Variants in CYTH1 observed in about 807,000 individuals in gnomAD.
CYTH1 encodes cytohesin 1.
A neutral mutation model predicts 61.8 loss-of-function variants in CYTH1; 18 were observed. The ratio of observed to expected loss-of-function variants is 0.29; its 90% CI spans 0.20 to 0.43. CYTH1 has a LOEUF of 0.43. Among genes scored for constraint, CYTH1 ranks in the 20% least tolerant of loss-of-function variants. The pLI, the probability that CYTH1 is intolerant of heterozygous loss-of-function variation, is 1.00. For missense variants in CYTH1, 336 were observed against 510.5 expected (o/e 0.66, Z 3.29); for synonymous variants, 174 against 184.3 (o/e 0.94, Z 0.45).
chr17:78,688,403 T>C lies in CYTH1; in HGVS notation c.891+4014A>G, dbSNP rs146754056. Among the ~76,000 whole-genome samples the C allele has an allele frequency of 3.8e-3, 586 of 152,360 alleles. 3 individuals carry two copies. The highest frequency in any genetic ancestry group is 0.013 in the African/African-American group (550 of 41,588). ...ACATCGGTAGACTCGTCAACCTGGA[T>C]TGAGTACCAGAGTGACTCGTTAATC... On this transcript the variant is annotated intron_variant, in intron 11 of 13. Transcript: ENST00000446868.
At chr17:78,780,724 G>C (rs1051237728) in intron 1 of CYTH1, among the ~76,000 whole-genome samples, 2 of 151,538 alleles carry the variant, frequency 1.3e-5, no homozygotes, top group African/African-American at 4.8e-5. Context: ...TAAAAAATTA[G>C]GGCTGGGCGC....
intron 1 of CYTH1, among the ~76,000 whole-genome samples, chr17:78,714,853 A>G (rs1397470076): frequency 1.3e-5 from 2 of 152,074 alleles, no homozygotes; most frequent in Admixed American, 1.3e-4. Context: ...AACAGAGATA[A>G]TTAGGGGGAA....
intron 3 of CYTH1, among the ~76,000 whole-genome samples, chr17:78,705,667 C>G (rs1383358916): frequency 6.6e-6 from 1 of 152,124 alleles, no homozygotes; most frequent in Non-Finnish European, 1.5e-5. Context: ...AGCCTGAGTA[C>G]CCGTATGGAT....
chr17:78,700,520 A>AT lies in CYTH1; in HGVS notation c.438-78dup, dbSNP rs530738099. The AT allele has an allele frequency of 3.9e-3, 4,053 of 1,037,738 alleles. No homozygotes were observed. The highest frequency in any genetic ancestry group is 4.3e-3 in the Non-Finnish European group (3,199 of 739,142). 64.3% of individuals were successfully genotyped at this position (1,037,738 alleles called of 1,614,324 possible). ...TCTATGAATTGTTAAACTGCCAATG[A>AT]TTTTTTTTTTCTTTTTTTTTTTGAG... On this transcript the variant is annotated intron_variant, in intron 6 of 13. Coordinates refer to ENST00000446868, the MANE Select transcript of CYTH1 (RefSeq NM_004762.6). The surrounding 1 kb of genome is among the most constrained non-coding windows in gnomAD (Gnocchi z 5.1).
At chr17:78,760,382 T>TAC (rs1273827734) in intron 1 of CYTH1, among the ~76,000 whole-genome samples, 887 of 51,654 alleles carry the variant, frequency 0.017, 71 homozygotes, top group Non-Finnish European at 0.024. Context: ...TATATATATA[T>TAC]ATACACACAC....
chr17:78,752,130 C>T (rs2144676385), intron 1 of CYTH1, among the ~76,000 whole-genome samples: 1 of 152,270 alleles, frequency 6.6e-6, no homozygotes, highest in South Asian at 2.1e-4. Flanking sequence ...CAACATATTT[C>T]CTAGATGTTT....
chr17:78,734,730 G>A (rs142863372), intron 1 of CYTH1, among the ~76,000 whole-genome samples: 3 of 152,214 alleles, frequency 2.0e-5, no homozygotes, highest in African/African-American at 4.8e-5. Flanking sequence ...GTGAGCCATC[G>A]CGCCCAGCCA....
chr17:78,719,479 T>C (rs16966859), intron 1 of CYTH1, among the ~76,000 whole-genome samples: 8,193 of 152,226 alleles, frequency 0.054, 406 homozygotes, highest in South Asian at 0.15. Flanking sequence ...AGATCATTAC[T>C]GCAAGTGGAG....
rs2093018317 is a variant in CYTH1 at position 78,702,225 on chromosome 17, T to C, written c.253A>G (p.Ile85Val). 1.2e-6 allele frequency: 2 copies of C among 1,613,814 alleles called. No homozygotes were observed. The highest frequency in any genetic ancestry group is 1.6e-4 in the Middle Eastern group (1 of 6,084). ...MDPKKGIQFL[I>V]ENDLLKNTCE... ...GTGTTCTTCAGGAGGTCGTTCTCTA[T>C]TAAGAACTGGATCCCCTAGAAAAAG... Residue 85 changes from isoleucine (I) to valine (V), a missense_variant, in exon 5 of 14, where the codon ATA becomes GTA. Transcript: ENST00000446868.
chr17:78,746,887 T>C (rs1195048777), intron 1 of CYTH1, among the ~76,000 whole-genome samples: 4 of 152,024 alleles, frequency 2.6e-5, no homozygotes, highest in African/African-American at 7.2e-5. Flanking sequence ...AAGGCTGCAG[T>C]GAGCTGTCAT....
intron 1 of CYTH1, among the ~76,000 whole-genome samples, chr17:78,766,955 T>A (rs1203005340): frequency 6.6e-6 from 1 of 152,156 alleles, no homozygotes; most frequent in Non-Finnish European, 1.5e-5. Flanking sequence ...TCTCTCTACT[T>A]CTCCATTTCC....
At chr17:78,765,790 G>A (rs2093446177) in intron 1 of CYTH1, among the ~76,000 whole-genome samples, 1 of 152,156 alleles carries the variant, frequency 6.6e-6, no homozygotes, top group Admixed American at 6.5e-5. Flanking sequence ...GCTGAGCTGA[G>A]AGCAGGCAAA....
At chr17:78,689,250 GAT>G (rs1343833969) in intron 11 of CYTH1, among the ~76,000 whole-genome samples, 2 of 152,156 alleles carry the variant, frequency 1.3e-5, no homozygotes, top group African/African-American at 2.4e-5. Flanking sequence ...GCCACTCACT[GAT>G]AGAGTTCTGA....
chr17:78,765,233 G>A (rs1432334520), intron 1 of CYTH1, among the ~76,000 whole-genome samples: 2 of 152,114 alleles, frequency 1.3e-5, no homozygotes, highest in Non-Finnish European at 2.9e-5. Context: ...GGCATCAGTA[G>A]ACTCAAAGAG....
Position 78,700,500 on chromosome 17 carries a change from G to T in CYTH1, c.438-57C>A. On this transcript the variant is annotated intron_variant, in intron 6 of 13. Coordinates refer to ENST00000446868, the MANE Select transcript of CYTH1 (RefSeq NM_004762.6). This position sits in a 1 kb window ranked among gnomAD's most constrained non-coding sequence, Gnocchi z 5.1. ...TTGGGGAGGCAATTTATTTCTCTAT[G>T]AATTGTTAAACTGCCAATGATTTTT... is the stretch of plus-strand genomic sequence containing the variant. 1 of 1,326,332 alleles carries T rather than the reference G, an allele frequency of 7.5e-7. No homozygotes were observed. Among genetic ancestry groups the T allele is most frequent in the Non-Finnish European group, 1.0e-6 (1 of 961,714 alleles). The allele number at this position is 1,326,332 out of a possible 1,614,324, so 82.2% of individuals were successfully genotyped here.
Position 78,680,276 on chromosome 17 carries a change from G to T in CYTH1, c.1032C>A (p.Asp344Glu). 1 of 1,614,176 alleles carries T rather than the reference G, an allele frequency of 6.2e-7. No homozygotes were observed. Among genetic ancestry groups the T allele is most frequent in the Non-Finnish European group, 8.5e-7 (1 of 1,180,016 alleles). The change falls in exon 13 of 14, where the codon GAC becomes GAA. Residue 344 changes from aspartate to glutamate, a missense_variant. Asp to Glu is a conservative substitution (Grantham distance 45). Transcript: ENST00000446868. ...TGTGGTTCCCCTCCACCACCCGCCC[G>T]TCAGCCTCGGTCTTGCAGGCCTTGA... is the stretch of plus-strand genomic sequence containing the variant. Reference protein sequence around the residue: ...QVIKACKTEADGRVVEGNHTV... With the variant: ...QVIKACKTEAEGRVVEGNHTV...
At chr17:78,734,317 G>A (rs557592632) in intron 1 of CYTH1, among the ~76,000 whole-genome samples, 1 of 149,928 alleles carries the variant, frequency 6.7e-6, no homozygotes, top group East Asian at 2.0e-4. Context: ...ACTTATGGCA[G>A]TTAAGAAAAT....
chr17:78,711,604 CT>C (rs2093133087), intron 1 of CYTH1, among the ~76,000 whole-genome samples: 1 of 151,960 alleles, frequency 6.6e-6, no homozygotes. Flanking sequence ...AGAGCAGTTA[CT>C]TTCCCCAAAT....
At position 78,674,193 on chromosome 17, in the gene CYTH1, T is replaced by C. The variant is rs75685111; in HGVS notation, c.*1898A>G. On this transcript the variant is annotated 3_prime_UTR_variant, in exon 14 of 14. Transcript: ENST00000446868. ...AGTCATTTCTTTATATTTTTGTATT[T>C]TGACAAAACTTCTTTTAAACAAATA... 1 of 152,808 alleles carries C rather than the reference T, an allele frequency of 6.5e-6. No homozygotes were observed. The highest frequency in any genetic ancestry group is 2.1e-4 in the South Asian group (1 of 4,826). 9.5% of individuals were successfully genotyped at this position (152,808 alleles called of 1,614,324 possible).
Sources: allele counts gnomAD v4.1 joint callset (sites outside exome capture counted in the v4.1 genomes callset), GRCh38; gene constraint gnomAD v4.1.1; non-coding constraint Gnocchi (gnomAD v3.1); transcripts MANE v1.5; gene names NCBI Gene and HGNC (gene_info 2026-07-23, HGNC 2026-07-21).